HIVEP3: variants seen among roughly 807,000 people sequenced by gnomAD.
HIVEP3 encodes the protein transcription factor HIVEP3.
In HIVEP3, 49 loss-of-function variants were observed where a neutral mutation model predicts 152.8. The ratio of observed to expected loss-of-function variants is 0.32; its 90% CI spans 0.26 to 0.41. The LOEUF (loss-of-function observed/expected upper bound fraction) is 0.41. HIVEP3 is among the 10% of genes least tolerant of loss of function. The pLI is 1.00. For missense variants in HIVEP3, 2,790 were observed against 3,103.3 expected (o/e 0.90, Z 2.40); for synonymous variants, 1,269 against 1,289.0 (o/e 0.98, Z 0.33).
intron 1 of HIVEP3, among the ~76,000 whole-genome samples, chr1:41,718,774 CCA>C (rs3064313): frequency 0.053 from 7,823 of 147,962 alleles, 633 homozygotes; most frequent in African/African-American, 0.17. Context: ...TCTTTCACAC[CCA>C]CACACACACA....
intron 1 of HIVEP3, among the ~76,000 whole-genome samples, chr1:42,001,350 G>A (rs1255285820): frequency 6.6e-6 from 1 of 152,188 alleles, no homozygotes. Context: ...ACAAATCCAG[G>A]TTAAAGACTC....
chr1:41,598,243 G>A (rs1342148336), intron 3 of HIVEP3, among the ~76,000 whole-genome samples: 1 of 152,176 alleles, frequency 6.6e-6, no homozygotes, highest in African/African-American at 2.4e-5. Flanking sequence ...TGCTGCAGTG[G>A]CCTGATCTCT....
rs758356234 is a variant in HIVEP3, at chr1:41,583,743, T to C, written c.1055A>G (p.His352Arg). 3 of 1,600,430 alleles carry C rather than the reference T, an allele frequency of 1.9e-6. No homozygotes were observed. Among genetic ancestry groups the C allele is most frequent in the South Asian group, 2.3e-5 (2 of 88,014 alleles). ...AATCGTGTGGGTGTCTTCAGGTTTA[T>C]GGCTCAGGGGGTGCTCAGATGAGGG... Reference protein sequence around the residue: ...VEPSSEHPLSHKPEDTHTIKQ... With the variant: ...VEPSSEHPLSRKPEDTHTIKQ... Residue 352 changes from histidine to arginine, a missense_variant, in exon 4 of 9, where the codon CAT (histidine) becomes CGT (arginine). Around this residue, in one of 9 missense-constraint regions of HIVEP3, gnomAD observed 134 missense variants for 242.5 expected, o/e 0.55. Transcript: ENST00000372583. The surrounding 1 kb of genome is among the most constrained non-coding windows in gnomAD (Gnocchi z 6.9).
At chr1:41,986,977 G>A (rs114233090) in intron 1 of HIVEP3, among the ~76,000 whole-genome samples, 402 of 152,130 alleles carry the variant, frequency 2.6e-3, no homozygotes, top group African/African-American at 9.0e-3. Context: ...ATCCCTGATC[G>A]ACAAATATCT....
chr1:41,991,536 C>T lies in HIVEP3; in HGVS notation n.119+44271G>A, dbSNP rs1259192108. 1.6e-4 allele frequency among the ~76,000 whole-genome samples: 24 copies of T among 147,048 alleles called. No homozygotes were observed. In the South Asian group the frequency reaches 5.3e-3, roughly 32 times the overall value. Reference sequence around the variant, plus strand: ...TTACCAACCAAAAAGAGTCCAGGACCAGATGGATTCACAGCCGAATTCTAC... The same window carrying T: ...TTACCAACCAAAAAGAGTCCAGGACTAGATGGATTCACAGCCGAATTCTAC... On this transcript the variant is annotated intron_variant and non_coding_transcript_variant, in intron 1 of 3. Transcript: ENST00000489103.
intron 1 of HIVEP3, among the ~76,000 whole-genome samples, chr1:41,811,509 T>C (rs992731187): frequency 6.6e-6 from 1 of 152,196 alleles, no homozygotes; most frequent in Admixed American, 6.5e-5. Flanking sequence ...TAATTATCAG[T>C]TACATTTGCT....
chr1:41,526,664 CT>C (rs1642943423), intron 5 of HIVEP3, among the ~76,000 whole-genome samples: 1 of 29,468 alleles, frequency 3.4e-5, no homozygotes, highest in African/African-American at 1.3e-4. Context: ...CACACTCCCC[CT>C]CATACCTGCT....
chr1:41,691,288 T>C (rs560725008), intron 2 of HIVEP3, among the ~76,000 whole-genome samples: 1 of 152,354 alleles, frequency 6.6e-6, no homozygotes, highest in South Asian at 2.1e-4. Context: ...TCATATCATA[T>C]GTACCTACTG....
At chr1:41,870,286 T>A (rs1395296263) in intron 1 of HIVEP3, among the ~76,000 whole-genome samples, 1 of 152,212 alleles carries the variant, frequency 6.6e-6, no homozygotes, top group African/African-American at 2.4e-5. Context: ...CATTCACTCA[T>A]TCACTGAGTC....
In HIVEP3 at chr1:42,009,580, A is replaced by G. The variant is rs573226511; in HGVS notation, n.119+26227T>C. ...TTGGAAAACCATTCTTAGAATTCAA[A>G]TTGCTCTATACACATCTTAGAAAGG... is the stretch of plus-strand genomic sequence containing the variant. On this transcript the variant is annotated intron_variant and non_coding_transcript_variant, in intron 1 of 3. Coordinates refer to the HIVEP3 transcript ENST00000489103. Among the ~76,000 whole-genome samples the G allele has an allele frequency of 1.3e-4, 20 of 152,288 alleles. No individual in the cohort carries two copies. The South Asian group carries it at 3.7e-3, about 28-fold the overall frequency.
In HIVEP3 at chr1:41,720,763, C is replaced by T. The variant is rs973985903; in HGVS notation, c.-800-19768G>A. Among the ~76,000 whole-genome samples the T allele has an allele frequency of 3.3e-5, 5 of 152,348 alleles. 1 individual carries two copies. In the South Asian group the frequency reaches 1.0e-3, roughly 32 times the overall value. On this transcript the variant is annotated intron_variant, in intron 1 of 8. Transcript: ENST00000372583. ...ATTTGCACTCTTATGTTCATTACAG[C>T]ATTACCCACAATAGTCAAGATGTGG...
At chr1:41,949,156 T>C (rs1489755092) in intron 1 of HIVEP3, among the ~76,000 whole-genome samples, 1 of 152,228 alleles carries the variant, frequency 6.6e-6, no homozygotes, top group Non-Finnish European at 1.5e-5. Context: ...TGAATGGCTC[T>C]TCAGAATCTA....
chr1:42,022,822 T>G (rs1645562034), intron 1 of HIVEP3, among the ~76,000 whole-genome samples: 1 of 152,198 alleles, frequency 6.6e-6, no homozygotes, highest in South Asian at 2.1e-4. Context: ...TGTAAGTACT[T>G]AAAGTATCTT....
At chr1:41,768,861 T>C (rs967433419) in intron 1 of HIVEP3, among the ~76,000 whole-genome samples, 3 of 152,250 alleles carry the variant, frequency 2.0e-5, no homozygotes, top group African/African-American at 7.2e-5. Flanking sequence ...TAACCAGAAG[T>C]ATTTCAGTGC....
chr1:41,854,517 C>CT (rs998972000), intron 1 of HIVEP3, among the ~76,000 whole-genome samples: 47,788 of 103,474 alleles, frequency 0.46, 11,737 homozygotes, highest in Non-Finnish European at 0.5. Flanking sequence ...TCTTGCTGCA[C>CT]TTTTTTTTTT....
At chr1:41,931,858 C>A (rs1442659776) in intron 1 of HIVEP3, among the ~76,000 whole-genome samples, 2 of 151,882 alleles carry the variant, frequency 1.3e-5, no homozygotes, top group African/African-American at 4.8e-5. Context: ...TTTAATGATC[C>A]TTCGGGTTTT....
intron 3 of HIVEP3, among the ~76,000 whole-genome samples, chr1:41,593,789 T>C (rs1644623645): frequency 1.3e-5 from 2 of 152,252 alleles, no homozygotes; most frequent in Non-Finnish European, 2.9e-5. Context: ...TACTATCTTA[T>C]AGTTCGAGTG....
At chr1:41,886,712 CAAAAAAAAAAAAAAAAAA>C (rs71062602) in intron 1 of HIVEP3, among the ~76,000 whole-genome samples, 2 of 87,788 alleles carry the variant, frequency 2.3e-5, no homozygotes, top group South Asian at 5.2e-4. Context: ...AACTCCATTT[CAAAAAAAAAAAAAAAAAA>C]AAAAAAAAGA....
At chr1:41,681,184 C>T (rs1646033139) in intron 2 of HIVEP3, among the ~76,000 whole-genome samples, 5 of 152,072 alleles carry the variant, frequency 3.3e-5, no homozygotes, top group African/African-American at 1.2e-4. Context: ...ACCTCAAACT[C>T]CTTGGTTCAA....
Sources: gnomAD v4.1 joint callset for allele counts (sites outside exome capture counted in the v4.1 genomes callset) on GRCh38, gnomAD v4.1.1 for gene constraint, gnomAD v4.1.1 regional missense constraint, Gnocchi (gnomAD v3.1) non-coding constraint, MANE v1.5 for transcripts, NCBI Gene and HGNC (gene_info 2026-07-23, HGNC 2026-07-21) for gene names.